The following PPP2R3B variants were observed in gnomAD, a reference collection of about 807,000 sequenced individuals.
PPP2R3B encodes the protein protein phosphatase 2 regulatory subunit B''beta.
Under a neutral mutation model 72.9 loss-of-function variants are expected in PPP2R3B, and 68 were observed. The ratio of observed to expected loss-of-function variants is 0.93; its 90% CI spans 0.77 to 1.14. The LOEUF (loss-of-function observed/expected upper bound fraction) is 1.14, where lower values mean the gene tolerates loss of function less well. Ranked by LOEUF, PPP2R3B falls within the 50% of genes most tolerant of loss-of-function variation. PPP2R3B has a pLI of 0.00. For missense variants in PPP2R3B, 1,018 were observed against 842.0 expected (o/e 1.21, Z -2.59); for synonymous variants, 466 against 375.8 (o/e 1.24, Z -2.78).
At chrX:334,607 C>T in intron 12 of PPP2R3B, 90 bp from the exon 13 acceptor site, 7 of 1,339,794 alleles carry the variant, frequency 5.2e-6, no homozygotes, top group Non-Finnish European at 6.7e-6. Context: ...CGGCCGCCAA[C>T]CTCCAGCACG....
At chrX:372,601 ATACAATATACACGGGG>A (rs1396614524) in intron 1 of PPP2R3B, among the ~76,000 whole-genome samples, 1 of 152,236 alleles carries the variant, frequency 6.6e-6, no homozygotes. Flanking sequence ...AAACTAACTC[ATACAATATACACGGGG>A]TACAGACACA....
intron 2 of PPP2R3B, among the ~76,000 whole-genome samples, chrX:358,025 G>C (rs1280411744): frequency 6.6e-6 from 1 of 152,130 alleles, no homozygotes; most frequent in African/African-American, 2.4e-5. Context: ...TCAAGCAGCC[G>C]CCGGCCAAAG....
At chrX:363,452 G>A (rs1369480804) in intron 1 of PPP2R3B, among the ~76,000 whole-genome samples, 26 of 148,350 alleles carry the variant, frequency 1.8e-4, no homozygotes, top group African/African-American at 5.6e-4. Context: ...GCATCTCCCC[G>A]AGCCCACCAT....
At chrX:346,611 C>T (rs2071220141) in intron 5 of PPP2R3B, 90 bp downstream of exon 5, 1 of 1,301,844 alleles carries the variant, frequency 7.7e-7, no homozygotes, top group African/African-American at 1.5e-5. Context: ...CCGGGCCCCG[C>T]CCGCCCCGTC....
intron 1 of PPP2R3B, among the ~76,000 whole-genome samples, chrX:379,552 G>A (rs1490928043): frequency 2.0e-5 from 3 of 152,204 alleles, no homozygotes; most frequent in African/African-American, 7.2e-5. Flanking sequence ...TAGAATGCTG[G>A]CACCCGGTCT....
intron 1 of PPP2R3B, among the ~76,000 whole-genome samples, chrX:366,817 C>T (rs761014757): frequency 2.3e-5 from 3 of 128,246 alleles, no homozygotes; most frequent in African/African-American, 9.4e-5. Flanking sequence ...GAGCTGAGAT[C>T]GCACTACTGC....
intron 1 of PPP2R3B, among the ~76,000 whole-genome samples, chrX:376,468 A>ACGGGC (rs1412492040): frequency 6.6e-6 from 1 of 152,216 alleles, no homozygotes; most frequent in African/African-American, 2.4e-5. Flanking sequence ...GTGTACAGGG[A>ACGGGC]CGGGCCGTCC....
intron 1 of PPP2R3B, among the ~76,000 whole-genome samples, chrX:367,543 G>A (rs1201764538): frequency 6.6e-6 from 1 of 152,142 alleles, no homozygotes; most frequent in African/African-American, 2.4e-5. Context: ...GATCACAGGT[G>A]TGAGGCCCCG....
intron 2 of PPP2R3B, among the ~76,000 whole-genome samples, chrX:355,584 G>A (rs2071419092): frequency 6.6e-6 from 1 of 152,138 alleles, no homozygotes; most frequent in African/African-American, 2.4e-5. Context: ...ACGCGCACAC[G>A]GAACACCACG....
chrX:356,421 G>C (rs1441875547), intron 2 of PPP2R3B, among the ~76,000 whole-genome samples: 2 of 152,044 alleles, frequency 1.3e-5, no homozygotes, highest in Non-Finnish European at 2.9e-5. Flanking sequence ...TCATCATGTT[G>C]GCCAGGCTGG....
chrX:339,262 G>A lies in PPP2R3B; in HGVS notation c.1352-366C>T, dbSNP rs755094265. Among the ~76,000 whole-genome samples, 28 of 71,206 alleles carry A rather than the reference G, an allele frequency of 3.9e-4. 1 individual carries two copies. Among genetic ancestry groups the A allele is most frequent in the African/African-American group, 1.3e-3 (25 of 19,732 alleles). 46.7% of individuals were successfully genotyped at this position (71,206 alleles called of 152,430 possible). The stretch of plus-strand genomic sequence containing the variant: ...CCGGGGACACTGAGCAGCAGGAGGC[G>A]CCCCATGGCCGGGGGGGGCAGGGCT... On this transcript the variant is annotated intron_variant, in intron 10 of 12. Coordinates refer to ENST00000390665, the MANE Select transcript of PPP2R3B (RefSeq NM_013239.5).
In PPP2R3B at chrX:338,532, ACTCACCCG is replaced by A. The variant is rs1193254940; in HGVS notation, c.1577+64_1577+71del. On this transcript the variant is annotated intron_variant, in intron 12 of 12. Transcript: ENST00000390665. ...CGGCTGCACACACACCCGTCCTCCC[ACTCACCCG>A]TCCTCCCCACTCACCCGTCCTCCCA... 1.2e-4 allele frequency: 45 copies of A among 361,382 alleles called. 2 individuals carry two copies. Among genetic ancestry groups the A allele is most frequent in the South Asian group, 5.5e-4 (9 of 16,468 alleles). 22.4% of individuals were successfully genotyped at this position (361,382 alleles called of 1,614,324 possible). A position where few individuals can be genotyped will look rare whatever the true frequency, so the allele number is the denominator to read the frequency against.
At chrX:371,674 C>A (rs1224393719) in intron 1 of PPP2R3B, among the ~76,000 whole-genome samples, 1 of 152,112 alleles carries the variant, frequency 6.6e-6, no homozygotes, top group Admixed American at 6.5e-5. Flanking sequence ...AGGTGCGGCA[C>A]CCCAACACGT....
Position 334,491 on chromosome X carries a change from T to A in PPP2R3B, c.1604A>T (p.Glu535Val). Residue 535 changes from glutamate to valine, a missense_variant, in exon 13 of 13, where the codon GAG becomes GTG. Physicochemically the swap from Glu to Val is moderately radical, Grantham distance 121. Coordinates refer to ENST00000390665, the MANE Select transcript of PPP2R3B (RefSeq NM_013239.5). ...DGFEAELSPV[E>V]QKLSALRSPL... ...GGAGCGCAGCGCACTCAGCTTCTGC[T>A]CCACAGGGCTGAGCTCGGCCTCGAA... 6.3e-7 allele frequency: 1 copy of A among 1,579,750 alleles called. No homozygotes were observed. Among genetic ancestry groups the A allele is most frequent in the South Asian group, 1.1e-5 (1 of 87,900 alleles).
At chrX:348,993 G>C (rs1317526038) in intron 2 of PPP2R3B, among the ~76,000 whole-genome samples, 9 of 152,156 alleles carry the variant, frequency 5.9e-5, no homozygotes, top group African/African-American at 9.7e-5. Flanking sequence ...ATCCCACACA[G>C]AACACACAGT....
At chrX:344,845 G>T (rs1054860546) in intron 7 of PPP2R3B, 16 of 302,844 alleles carry the variant, frequency 5.3e-5, no homozygotes, top group Non-Finnish European at 1.0e-4. Flanking sequence ...TCACGTTCGG[G>T]GAACCAGGCG....
chrX:354,077 CGGGGCTCACCCAGGGACCA>C (rs2071389690), intron 2 of PPP2R3B, among the ~76,000 whole-genome samples: 15 of 134,420 alleles, frequency 1.1e-4, no homozygotes, highest in East Asian at 2.4e-4. Flanking sequence ...GCCCAAAGAC[CGGGGCTCACCCAGGGACCA>C]GGGGCTCGCC....
chrX:372,642 G>A (rs1482732351), intron 1 of PPP2R3B, among the ~76,000 whole-genome samples: 1 of 152,172 alleles, frequency 6.6e-6, no homozygotes, highest in Non-Finnish European at 1.5e-5. Flanking sequence ...TTACTTCCCT[G>A]AGCACTTATG....
intron 2 of PPP2R3B, among the ~76,000 whole-genome samples, chrX:355,579 C>T (rs1434823389): frequency 2.0e-5 from 3 of 152,216 alleles, no homozygotes; most frequent in Non-Finnish European, 4.4e-5. Context: ...ACTGCACGCG[C>T]ACACGGAACA....
Sources: gnomAD v4.1 joint callset for allele counts (sites outside exome capture counted in the v4.1 genomes callset) on GRCh38, gnomAD v4.1.1 for gene constraint, MANE v1.5 for transcripts, NCBI Gene and HGNC (gene_info 2026-07-23, HGNC 2026-07-21) for gene names.